Variants in ZNF609 observed in about 807,000 individuals in gnomAD.
ZNF609 encodes the protein zinc finger protein 609.
Under a neutral mutation model 109.5 loss-of-function variants are expected in ZNF609, and 11 were observed. That is an observed-to-expected ratio of 0.10 (90% confidence interval 0.06 to 0.17). ZNF609 has a LOEUF of 0.17. ZNF609 is among the 10% of genes least tolerant of loss of function. The pLI, the probability that ZNF609 is intolerant of heterozygous loss-of-function variation, is 1.00. For synonymous variants in ZNF609, 646 were observed against 662.0 expected (o/e 0.98, Z 0.37); for missense variants, 1,559 against 1,772.4 (o/e 0.88, Z 2.16).
Position 64,585,345 on chromosome 15 carries a change from C to G in ZNF609, c.748-37482C>G, listed in dbSNP as rs76763189. Among the ~76,000 whole-genome samples the G allele has an allele frequency of 9.7e-3, 1,479 of 152,060 alleles. 24 individuals carry two copies. Among genetic ancestry groups the G allele is most frequent in the African/African-American group, 0.034 (1,399 of 41,496 alleles). On this transcript the variant is annotated intron_variant, in intron 2 of 9. Coordinates refer to ENST00000326648, the MANE Select transcript of ZNF609 (RefSeq NM_015042.2). ...GGGGAAAAAAAAAATCCAACCTGAG[C>G]TTGATTCACTGTGCCTTAAACTTGT...
chr15:64,576,937 T>TATATGTGTATATATACAC (rs1567018966), intron 2 of ZNF609, among the ~76,000 whole-genome samples: 1 of 110,166 alleles, frequency 9.1e-6, no homozygotes, highest in African/African-American at 3.1e-5. Flanking sequence ...TATATATACA[T>TATATGTGTATATATACAC]ATAAATATAT....
At chr15:64,652,747 G>A (rs1035244185) in intron 3 of ZNF609, 5 of 152,172 alleles carry the variant, frequency 3.3e-5, no homozygotes, top group African/African-American at 1.2e-4. Context: ...TTTCCAGGCT[G>A]ATCTTCAACT....
At chr15:64,615,562 C>T (rs1235672827) in intron 2 of ZNF609, among the ~76,000 whole-genome samples, 2 of 151,034 alleles carry the variant, frequency 1.3e-5, no homozygotes, top group African/African-American at 4.9e-5. Flanking sequence ...TCTCGGCTCA[C>T]TACAACTTCT....
chr15:64,625,903 AAAAAAAAAAAAATAT>A (rs1339863712), intron 3 of ZNF609, among the ~76,000 whole-genome samples: 16 of 82,986 alleles, frequency 1.9e-4, no homozygotes, highest in African/African-American at 4.7e-4. Flanking sequence ...AAAAAAAAAA[AAAAAAAAAAAAATAT>A]ATATATATAT....
rs75834501 is a variant in ZNF609, at chr15:64,677,794, G to A, written c.3403-322G>A. Among the ~76,000 whole-genome samples the A allele has an allele frequency of 5.4e-3, 818 of 152,214 alleles. 8 individuals carry two copies. Among genetic ancestry groups the A allele is most frequent in the African/African-American group, 0.019 (784 of 41,526 alleles). On this transcript the variant is annotated intron_variant, in intron 5 of 9. Coordinates refer to ENST00000326648, the MANE Select transcript of ZNF609 (RefSeq NM_015042.2). ...TGAAACAATCTAAACATATTGGAAG[G>A]GGCAGCCTCTCCTATTTCAGTCGTT...
rs1405378417 is a variant in ZNF609 at position 64,623,003 on chromosome 15, T to G, written c.924T>G (p.Pro308=). The G allele has an allele frequency of 6.2e-7, 1 of 1,614,260 alleles. No individual in the cohort carries two copies. The highest frequency in any genetic ancestry group is 1.7e-5 in the Admixed American group (1 of 60,032). The change falls in exon 3 of 10, where the codon CCT becomes CCG. Residue 308 remains proline (P), a synonymous_variant. Transcript: ENST00000326648. ...CTGAGTGCTTGGGCCCCTGTGAACC[T>G]GGAACTAGCGTCAACCTTGAAGGCA... The part of the protein sequence containing the change: ...TEPECLGPCE[P]GTSVNLEGIV...
chr15:64,574,885 G>C (rs1894924488), intron 2 of ZNF609, among the ~76,000 whole-genome samples: 1 of 152,150 alleles, frequency 6.6e-6, no homozygotes, highest in African/African-American at 2.4e-5. Context: ...TGAAGCAAGA[G>C]GAGGGAGGGA....
At chr15:64,668,741 G>A (rs1359311473) in intron 3 of ZNF609, among the ~76,000 whole-genome samples, 1 of 152,128 alleles carries the variant, frequency 6.6e-6, no homozygotes, top group South Asian at 2.1e-4. Flanking sequence ...ATCACATGAG[G>A]TCGGGAGATT....
At chr15:64,579,818 C>G (rs965274917) in intron 2 of ZNF609, among the ~76,000 whole-genome samples, 1 of 152,052 alleles carries the variant, frequency 6.6e-6, no homozygotes, top group African/African-American at 2.4e-5. Flanking sequence ...ATAAATATTG[C>G]TTTATGCAGT....
chr15:64,551,128 C>G (rs1386018603), intron 2 of ZNF609, among the ~76,000 whole-genome samples: 1 of 151,976 alleles, frequency 6.6e-6, no homozygotes. Flanking sequence ...CTATGTTGCC[C>G]AGGCTGGACT....
chr15:64,648,762 A>G (rs2140995824), intron 3 of ZNF609, among the ~76,000 whole-genome samples: 1 of 151,906 alleles, frequency 6.6e-6, no homozygotes, highest in African/African-American at 2.4e-5. Context: ...AAAAAAAAAA[A>G]AAAAAATTAG....
chr15:64,495,451 T>C (rs924137761), intron 1 of ZNF609, among the ~76,000 whole-genome samples: 1 of 152,204 alleles, frequency 6.6e-6, no homozygotes, highest in Non-Finnish European at 1.5e-5. Flanking sequence ...TAGAGTATAG[T>C]GGCACAATCT....
At chr15:64,668,669 G>C (rs13379694) in intron 3 of ZNF609, among the ~76,000 whole-genome samples, 1 of 151,928 alleles carries the variant, frequency 6.6e-6, no homozygotes, top group Non-Finnish European at 1.5e-5. Context: ...GAATTAAAAT[G>C]CCAGCCAGGT....
chr15:64,609,129 TTTTTTTC>T (rs1895671100), intron 2 of ZNF609, among the ~76,000 whole-genome samples: 1 of 80,600 alleles, frequency 1.2e-5, no homozygotes, highest in African/African-American at 4.4e-5. Flanking sequence ...TCTTTCTTTC[TTTTTTTC>T]TTTCTTTTTT....
At chr15:64,489,427 G>T (rs185961825) in intron 1 of ZNF609, among the ~76,000 whole-genome samples, 20 of 151,050 alleles carry the variant, frequency 1.3e-4, no homozygotes, top group South Asian at 6.3e-4. Context: ...TGATCCACCC[G>T]CCTCGGCCTC....
intron 2 of ZNF609, among the ~76,000 whole-genome samples, chr15:64,532,578 CAG>C (rs1478167518): frequency 1.3e-5 from 2 of 152,214 alleles, no homozygotes; most frequent in Non-Finnish European, 2.9e-5. Flanking sequence ...AGGCATTCCT[CAG>C]ATATCTGGTA....
chr15:64,541,220 G>A (rs879343863), intron 2 of ZNF609, among the ~76,000 whole-genome samples: 1 of 151,518 alleles, frequency 6.6e-6, no homozygotes, highest in Non-Finnish European at 1.5e-5. Flanking sequence ...GAGGTCAGGA[G>A]ATCGAGACCA....
At chr15:64,461,024 TG>T (rs1892931983) in intron 1 of ZNF609, among the ~76,000 whole-genome samples, 186 bp downstream of exon 1, 1 of 1,334 alleles carries the variant, frequency 7.5e-4, no homozygotes, top group African/African-American at 3.1e-3. Context: ...GTTGCGTGGG[TG>T]GGGGAGGGGG....
intron 2 of ZNF609, among the ~76,000 whole-genome samples, chr15:64,549,960 C>A (rs186181776): frequency 2.4e-4 from 37 of 151,916 alleles, no homozygotes; most frequent in African/African-American, 5.8e-4. Context: ...TAATTTTTTT[C>A]TTTTCTTCAT....
Sources: gnomAD v4.1 joint callset for allele counts (sites outside exome capture counted in the v4.1 genomes callset) on GRCh38, gnomAD v4.1.1 for gene constraint, MANE v1.5 for transcripts, NCBI Gene and HGNC (gene_info 2026-07-23, HGNC 2026-07-21) for gene names.